ANXA4: variants seen among roughly 807,000 people sequenced by gnomAD.
The protein encoded by ANXA4 is 35-beta calcimedin.
ANXA4 carries 39 observed loss-of-function variants against 49.8 expected under a neutral mutation model. The ratio of observed to expected loss-of-function variants is 0.78; its 90% CI spans 0.61 to 1.02. The LOEUF is 1.02. Ranked by LOEUF, ANXA4 falls within the 50% of genes least tolerant of loss-of-function variation. The probability of loss-of-function intolerance (pLI) is 0.00; values close to 1 mark genes in which losing one functional copy is unlikely to be tolerated. For synonymous variants in ANXA4, 134 were observed against 152.5 expected, an observed-to-expected ratio of 0.88 and a Z score of 0.89; for missense variants, 360 against 410.1, an observed-to-expected ratio of 0.88 and a Z score of 1.05.
At position 69,816,207 on chromosome 2, in the gene ANXA4, C is replaced by T. The variant is rs766517835; in HGVS notation, c.628+13C>T. The T allele has an allele frequency of 5.0e-6, 8 of 1,610,834 alleles. No homozygotes were observed. Among genetic ancestry groups the T allele is most frequent in the Non-Finnish European group, 6.8e-6 (8 of 1,177,142 alleles). On this transcript the variant is annotated intron_variant, in intron 9 of 12. Transcript: ENST00000394295. ...CACCTGTTGCATGGTAAGGCACTTA[C>T]TTCATTTCCCAAAGAAAAGGAGTGA...
intron 1 of ANXA4, among the ~76,000 whole-genome samples, chr2:69,746,764 A>G (rs1241795930): frequency 2.0e-5 from 3 of 152,142 alleles, no homozygotes; most frequent in Non-Finnish European, 4.4e-5. Context: ...TACTACGGAA[A>G]AGACCTTCTA....
chr2:69,682,385 A>G (rs1217110352), intron 2 of ANXA4, among the ~76,000 whole-genome samples: 2 of 152,022 alleles, frequency 1.3e-5, no homozygotes, highest in Non-Finnish European at 2.9e-5. Flanking sequence ...ATTGAGTTTT[A>G]CTTTATGATT....
At chr2:69,787,093 A>C (rs1443007785) in intron 2 of ANXA4, among the ~76,000 whole-genome samples, 1 of 152,198 alleles carries the variant, frequency 6.6e-6, no homozygotes, top group Non-Finnish European at 1.5e-5. Flanking sequence ...AACCCAAGAC[A>C]TCTCATTTCA....
intron 6 of ANXA4, 22 bp downstream of exon 6, chr2:69,808,018 C>T (rs763580819): frequency 1.9e-6 from 3 of 1,610,596 alleles, no homozygotes; most frequent in Non-Finnish European, 2.5e-6. Flanking sequence ...CCGCAGTGGC[C>T]CTGGCTGAGG....
At chr2:69,687,783 C>T (rs544313880) in intron 2 of ANXA4, among the ~76,000 whole-genome samples, 5 of 152,240 alleles carry the variant, frequency 3.3e-5, no homozygotes, top group South Asian at 2.1e-4. Flanking sequence ...CGTGGGCTGC[C>T]GCGCCCAGCT....
At chr2:69,798,067 T>A (rs183303073) in intron 3 of ANXA4, among the ~76,000 whole-genome samples, 3 of 152,288 alleles carry the variant, frequency 2.0e-5, no homozygotes, top group Non-Finnish European at 4.4e-5. Flanking sequence ...AGAGGGGCTA[T>A]CCGGTCCGAC....
At chr2:69,800,359 G>A (rs1673138917) in intron 3 of ANXA4, among the ~76,000 whole-genome samples, 1 of 152,132 alleles carries the variant, frequency 6.6e-6, no homozygotes, top group South Asian at 2.1e-4. Context: ...TCAGCATAAA[G>A]GGTGAGGAGA....
chr2:69,781,635 G>A, intron 2 of ANXA4, 61 bp downstream of exon 2: 1 of 1,591,338 alleles, frequency 6.3e-7, no homozygotes, highest in East Asian at 2.2e-5. Flanking sequence ...CAGAATGTGG[G>A]CTCAGCAACT....
chr2:69,760,467 T>G (rs999130156), intron 1 of ANXA4, among the ~76,000 whole-genome samples: 2 of 152,230 alleles, frequency 1.3e-5, no homozygotes, highest in African/African-American at 4.8e-5. Context: ...TGATGTTTTA[T>G]TGCCAGCCAG....
chr2:69,726,602 A>G (rs1669968976), intron 3 of ANXA4, among the ~76,000 whole-genome samples: 3 of 152,224 alleles, frequency 2.0e-5, no homozygotes, highest in Admixed American at 6.5e-5. Context: ...ACAACCATGT[A>G]ATCAGTGCTT....
chr2:69,785,264 C>T (rs1672367648), intron 2 of ANXA4, among the ~76,000 whole-genome samples: 1 of 152,134 alleles, frequency 6.6e-6, no homozygotes, highest in Non-Finnish European at 1.5e-5. Context: ...GAGGTCCAGG[C>T]CAGGGTGGTC....
chr2:69,799,217 G>A (rs72485353), intron 3 of ANXA4, among the ~76,000 whole-genome samples: 1 of 152,178 alleles, frequency 6.6e-6, no homozygotes, highest in Non-Finnish European at 1.5e-5. Flanking sequence ...CTGGGAGGGA[G>A]AGTTTCTGTG....
At chr2:69,734,834 G>C (rs1264676527) in intron 3 of ANXA4, among the ~76,000 whole-genome samples, 1 of 152,152 alleles carries the variant, frequency 6.6e-6, no homozygotes, top group Admixed American at 6.5e-5. Flanking sequence ...CTTGAGTATA[G>C]TGTACCCACA....
At chr2:69,666,977 T>G (rs1676961369) in intron 2 of ANXA4, among the ~76,000 whole-genome samples, 1 of 152,054 alleles carries the variant, frequency 6.6e-6, no homozygotes, top group Non-Finnish European at 1.5e-5. Flanking sequence ...ACCTGGGAGG[T>G]GGAAGTTGCA....
intron 3 of ANXA4, among the ~76,000 whole-genome samples, chr2:69,733,683 A>G (rs955644824): frequency 3.3e-5 from 5 of 152,062 alleles, no homozygotes; most frequent in Non-Finnish European, 5.9e-5. Context: ...CCAGTTCATA[A>G]ATATTAATTC....
At chr2:69,707,776 A>G (rs1678544766) in intron 2 of ANXA4, among the ~76,000 whole-genome samples, 1 of 152,216 alleles carries the variant, frequency 6.6e-6, no homozygotes, top group Non-Finnish European at 1.5e-5. Context: ...GTACAATTAA[A>G]TTATTATTGA....
intron 2 of ANXA4, among the ~76,000 whole-genome samples, chr2:69,785,033 T>G (rs1448266186): frequency 6.6e-6 from 1 of 152,172 alleles, no homozygotes; most frequent in African/African-American, 2.4e-5. Flanking sequence ...CTTCAACATG[T>G]CTTTTTTGAG....
rs529218290 is a variant in ANXA4, at chr2:69,686,289, A to G, written n.766+33007A>G. Among the ~76,000 whole-genome samples the G allele has an allele frequency of 2.0e-5, 3 of 151,012 alleles. No individual in the cohort carries two copies. The East Asian group carries it at 5.9e-4, about 30-fold the overall frequency. On this transcript the variant is annotated intron_variant and non_coding_transcript_variant, in intron 2 of 3. Coordinates refer to the ANXA4 transcript ENST00000418066. ...AACCTCTGCCTCCTGGGTTCAAGCA[A>G]TTCTCCTACCTCAGCCTCCCAAGTA...
intron 2 of ANXA4, among the ~76,000 whole-genome samples, chr2:69,670,690 GA>G (rs1376232219): frequency 6.6e-6 from 1 of 151,776 alleles, no homozygotes; most frequent in East Asian, 1.9e-4. Context: ...GTTATCTACG[GA>G]AAAAATGAAA....
Sources: gnomAD v4.1 joint callset for allele counts (sites outside exome capture counted in the v4.1 genomes callset) on GRCh38, gnomAD v4.1.1 for gene constraint, MANE v1.5 for transcripts, NCBI Gene and HGNC (gene_info 2026-07-23, HGNC 2026-07-21) for gene names.